PLXNC1: variants seen among roughly 807,000 people sequenced by gnomAD.
PLXNC1 encodes the protein plexin C1.
A neutral mutation model predicts 178.2 loss-of-function variants in PLXNC1; 75 were observed. The observed-to-expected ratio is 0.42, with a 90% CI of 0.35 to 0.51. The LOEUF is 0.51. Ranked by LOEUF, PLXNC1 falls within the 20% of genes least tolerant of loss-of-function variation. The probability of loss-of-function intolerance (pLI) is 0.02; values close to 1 mark genes in which losing one functional copy is unlikely to be tolerated. For synonymous variants in PLXNC1, 790 were observed against 779.9 expected (o/e 1.01, Z -0.22); for missense variants, 1,503 against 1,984.4 (o/e 0.76, Z 4.61).
intron 2 of PLXNC1, among the ~76,000 whole-genome samples, chr12:94,172,174 T>C (rs1961869925): frequency 6.6e-6 from 1 of 152,188 alleles, no homozygotes; most frequent in African/African-American, 2.4e-5. Flanking sequence ...GGGGAACTAA[T>C]GAGCGGCAAA....
chr12:94,247,793 G>C (rs1964570638), intron 12 of PLXNC1, 110 bp from the exon 13 acceptor site: 1 of 924,060 alleles, frequency 1.1e-6, no homozygotes, highest in Admixed American at 1.9e-5. Context: ...TATTACACAT[G>C]AGAAAACAGA....
chr12:94,286,616 C>CA (rs61238982), intron 23 of PLXNC1, among the ~76,000 whole-genome samples: 4,336 of 101,278 alleles, frequency 0.043, 123 homozygotes, highest in East Asian at 0.076. Context: ...TGCTTAAAAG[C>CA]AAAAAAAAAA....
chr12:94,284,666 C>G (rs1966715294), intron 23 of PLXNC1, among the ~76,000 whole-genome samples: 1 of 151,990 alleles, frequency 6.6e-6, no homozygotes, highest in South Asian at 2.1e-4. Flanking sequence ...CTGGTAACAG[C>G]TAGTCAGTGG....
intron 1 of PLXNC1, among the ~76,000 whole-genome samples, chr12:94,163,018 A>G (rs1433774204): frequency 6.6e-6 from 1 of 152,128 alleles, no homozygotes; most frequent in East Asian, 1.9e-4. Flanking sequence ...TCCCATGTAG[A>G]ATGCCAGTTG....
At chr12:94,166,630 T>C (rs1961623256) in intron 1 of PLXNC1, among the ~76,000 whole-genome samples, 2 of 151,862 alleles carry the variant, frequency 1.3e-5, no homozygotes, top group South Asian at 4.2e-4. Context: ...TATTAGATAC[T>C]AGAAAGCTAA....
At chr12:94,297,899 G>A (rs567810624) in intron 26 of PLXNC1, among the ~76,000 whole-genome samples, 3 of 152,216 alleles carry the variant, frequency 2.0e-5, no homozygotes, top group African/African-American at 7.2e-5. Flanking sequence ...TGTGAAAGCC[G>A]GTGGAATACC....
rs147900848 is a variant in PLXNC1, at chr12:94,266,709, C to T, written c.3597+1484C>T. Among the ~76,000 whole-genome samples the T allele has an allele frequency of 1.5e-3, 234 of 152,326 alleles. 1 individual carries two copies. The highest frequency in any genetic ancestry group is 4.9e-3 in the African/African-American group (203 of 41,568). On this transcript the variant is annotated intron_variant, in intron 21 of 30. Coordinates refer to ENST00000258526, the MANE Select transcript of PLXNC1 (RefSeq NM_005761.3). Reference sequence around the variant, plus strand: ...AAACCTCTCTATGCCTCATTCTCCTCACATGTGAAATGGAAATGATGGTCA... The same window carrying T: ...AAACCTCTCTATGCCTCATTCTCCTTACATGTGAAATGGAAATGATGGTCA...
intron 1 of PLXNC1, among the ~76,000 whole-genome samples, chr12:94,150,663 AG>A (rs1960926700): frequency 6.6e-6 from 1 of 152,136 alleles, no homozygotes; most frequent in African/African-American, 2.4e-5. Flanking sequence ...AGCCGGTGCG[AG>A]GGGGCGGTGC....
chr12:94,284,063 A>T (rs1966654301), intron 23 of PLXNC1, among the ~76,000 whole-genome samples: 1 of 149,850 alleles, frequency 6.7e-6, no homozygotes. Context: ...AGCCTGTGCG[A>T]CAGAGCAAGA....
At chr12:94,298,165 T>C (rs1372404056) in intron 26 of PLXNC1, among the ~76,000 whole-genome samples, 1 of 152,224 alleles carries the variant, frequency 6.6e-6, no homozygotes, top group Non-Finnish European at 1.5e-5. Flanking sequence ...CCCAGCCTAT[T>C]TGGCTTTTGT....
intron 11 of PLXNC1, among the ~76,000 whole-genome samples, chr12:94,241,740 A>G (rs768306665): frequency 1.3e-5 from 2 of 152,202 alleles, no homozygotes; most frequent in Non-Finnish European, 2.9e-5. Context: ...TATAGGTACC[A>G]CATTTTCTTT....
intron 1 of PLXNC1, chr12:94,158,354 C>T (rs1395033313): frequency 5.9e-5 from 9 of 152,246 alleles, no homozygotes. Context: ...TGTCCAGAAA[C>T]GAGTGTGCAG....
chr12:94,254,502 AG>A, intron 15 of PLXNC1: 1 of 565,104 alleles, frequency 1.8e-6, no homozygotes, highest in East Asian at 4.1e-5. Context: ...TTTGGTTACA[AG>A]TGAAGGTTAT....
chr12:94,173,587 A>G (rs1323767109), intron 2 of PLXNC1, among the ~76,000 whole-genome samples: 1 of 152,052 alleles, frequency 6.6e-6, no homozygotes, highest in South Asian at 2.1e-4. Flanking sequence ...AAATGAAAAA[A>G]CCTGAGGCCT....
intron 4 of PLXNC1, among the ~76,000 whole-genome samples, chr12:94,186,943 T>C (rs984473829): frequency 6.6e-6 from 1 of 152,250 alleles, no homozygotes; most frequent in Non-Finnish European, 1.5e-5. Context: ...GCTGTGGGCC[T>C]GATGTACAAT....
intron 10 of PLXNC1, among the ~76,000 whole-genome samples, chr12:94,238,238 C>T (rs61929077): frequency 0.073 from 11,159 of 152,198 alleles, 594 homozygotes; most frequent in African/African-American, 0.14. Flanking sequence ...CCTCTTGGAT[C>T]CATTTTATGT....
At chr12:94,152,105 A>C (rs1239818990) in intron 1 of PLXNC1, among the ~76,000 whole-genome samples, 1 of 152,194 alleles carries the variant, frequency 6.6e-6, no homozygotes, top group Non-Finnish European at 1.5e-5. Flanking sequence ...GTACCCCCTG[A>C]GCTTGTCAGC....
chr12:94,155,533 A>T (rs1961135447), intron 1 of PLXNC1, among the ~76,000 whole-genome samples: 1 of 152,054 alleles, frequency 6.6e-6, no homozygotes, highest in African/African-American at 2.4e-5. Flanking sequence ...CTTGCATTTT[A>T]CTTAGGGCCA....
At chr12:94,167,727 A>T (rs1056488579) in intron 1 of PLXNC1, among the ~76,000 whole-genome samples, 3 of 152,228 alleles carry the variant, frequency 2.0e-5, no homozygotes, top group African/African-American at 7.2e-5. Context: ...ATATTGCATG[A>T]AAAGTATCTT....
Sources: allele counts gnomAD v4.1 joint callset (sites outside exome capture counted in the v4.1 genomes callset), GRCh38; gene constraint gnomAD v4.1.1; transcripts MANE v1.5; gene names NCBI Gene and HGNC (gene_info 2026-07-23, HGNC 2026-07-21).